Variants in CDH13 observed in about 807,000 individuals in gnomAD.
CDH13 encodes cadherin 13.
A neutral mutation model predicts 63.8 loss-of-function variants in CDH13; 24 were observed. The observed-to-expected ratio is 0.38, with a 90% CI of 0.27 to 0.53. The LOEUF (loss-of-function observed/expected upper bound fraction) is 0.53, where lower values mean the gene tolerates loss of function less well. Ranked by LOEUF, CDH13 falls within the 20% of genes least tolerant of loss-of-function variation. CDH13 has a pLI of 0.85. For synonymous variants in CDH13, 503 were observed against 355.3 expected, an observed-to-expected ratio of 1.42 and a Z score of -4.67; for missense variants, 1,049 against 903.1, an observed-to-expected ratio of 1.16 and a Z score of -2.07.
At chr16:83,580,583 C>G (rs1294388289) in intron 7 of CDH13, among the ~76,000 whole-genome samples, 2 of 151,558 alleles carry the variant, frequency 1.3e-5, no homozygotes, top group Non-Finnish European at 2.9e-5. Flanking sequence ...CAGCCTCAAA[C>G]TCCTGAGCTC....
chr16:82,685,696 G>T (rs2150967307), intron 1 of CDH13, among the ~76,000 whole-genome samples: 1 of 152,322 alleles, frequency 6.6e-6, no homozygotes, highest in South Asian at 2.1e-4. Context: ...GGGGCCAGCA[G>T]GTGTTCAACC....
chr16:83,006,916 G>GTTT (rs1304934076), intron 2 of CDH13, among the ~76,000 whole-genome samples: 13 of 120,262 alleles, frequency 1.1e-4, no homozygotes, highest in African/African-American at 2.7e-4. Context: ...TTGTTTGTTT[G>GTTT]TTTGTTTGTT....
intron 1 of CDH13, among the ~76,000 whole-genome samples, chr16:82,679,401 C>T (rs1472472034): frequency 6.6e-6 from 1 of 152,114 alleles, no homozygotes; most frequent in East Asian, 1.9e-4. Context: ...ATCTAGTTTA[C>T]CTATGGACTT....
intron 2 of CDH13, among the ~76,000 whole-genome samples, chr16:83,001,905 G>A: frequency 6.6e-6 from 1 of 152,180 alleles, no homozygotes; most frequent in African/African-American, 2.4e-5. Context: ...TCTCAGGAGA[G>A]CTGTACACCT....
intron 7 of CDH13, among the ~76,000 whole-genome samples, chr16:83,541,185 G>A (rs545986744): frequency 6.6e-6 from 1 of 152,208 alleles, no homozygotes; most frequent in Admixed American, 6.5e-5. Flanking sequence ...AAGAAATCTG[G>A]ATGCATCTAA....
intron 2 of CDH13, among the ~76,000 whole-genome samples, chr16:83,000,356 G>T (rs1912767531): frequency 7.3e-6 from 1 of 137,048 alleles, no homozygotes; most frequent in Non-Finnish European, 1.5e-5. Flanking sequence ...TCAAGCAATT[G>T]TCTTGCCTCA....
intron 6 of CDH13, among the ~76,000 whole-genome samples, chr16:83,450,682 A>G (rs1446213641): frequency 6.6e-6 from 1 of 152,176 alleles, no homozygotes; most frequent in Non-Finnish European, 1.5e-5. Context: ...CATCCTGGCT[A>G]ACATAGTGAA....
At chr16:83,438,497 C>T (rs891103411) in intron 6 of CDH13, among the ~76,000 whole-genome samples, 4 of 152,178 alleles carry the variant, frequency 2.6e-5, no homozygotes, top group African/African-American at 7.2e-5. Context: ...CATTCTAAGT[C>T]GAGGTATGTT....
intron 7 of CDH13, among the ~76,000 whole-genome samples, chr16:83,570,595 G>A (rs1904485397): frequency 6.6e-6 from 1 of 151,384 alleles, no homozygotes; most frequent in Admixed American, 6.6e-5. Flanking sequence ...TGCAATCACT[G>A]GAAAAGACGG....
chr16:83,269,186 T>C (rs1397309653), intron 5 of CDH13, among the ~76,000 whole-genome samples: 3 of 152,210 alleles, frequency 2.0e-5, no homozygotes, highest in African/African-American at 7.2e-5. Context: ...AATTCAAATG[T>C]TGTGTCATAA....
At chr16:83,256,129 G>C (rs1906230338) in intron 5 of CDH13, among the ~76,000 whole-genome samples, 1 of 152,162 alleles carries the variant, frequency 6.6e-6, no homozygotes, top group Non-Finnish European at 1.5e-5. Context: ...GACTTCCTGA[G>C]CTGAAGTGAG....
chr16:82,830,349 C>A (rs768509239), intron 1 of CDH13, among the ~76,000 whole-genome samples: 4 of 152,208 alleles, frequency 2.6e-5, no homozygotes, highest in African/African-American at 9.7e-5. Flanking sequence ...GGTGTTGACT[C>A]TTGAGTAGGG....
chr16:83,548,871 A>G (rs1348879058), intron 7 of CDH13, among the ~76,000 whole-genome samples: 1 of 152,170 alleles, frequency 6.6e-6, no homozygotes, highest in African/African-American at 2.4e-5. Flanking sequence ...TTTTCCTGCC[A>G]TCACTATTGC....
At chr16:83,447,781 T>A (rs1374905667) in intron 6 of CDH13, among the ~76,000 whole-genome samples, 2 of 149,770 alleles carry the variant, frequency 1.3e-5, no homozygotes, top group Non-Finnish European at 3.0e-5. Flanking sequence ...ATTTATTTTT[T>A]ATAATTTATA....
chr16:82,656,408 A>C (rs932303271), intron 1 of CDH13, among the ~76,000 whole-genome samples: 2 of 152,150 alleles, frequency 1.3e-5, no homozygotes, highest in Non-Finnish European at 1.5e-5. Flanking sequence ...TTAAAAAGCA[A>C]GTAAACCTTA....
At chr16:82,747,548 T>C (rs1204681560) in intron 1 of CDH13, among the ~76,000 whole-genome samples, 1 of 152,116 alleles carries the variant, frequency 6.6e-6, no homozygotes, top group Non-Finnish European at 1.5e-5. Context: ...TGCAAATTCT[T>C]GGGTCCTTCC....
At chr16:82,758,613 G>A (rs2151080086) in intron 1 of CDH13, among the ~76,000 whole-genome samples, 1 of 152,324 alleles carries the variant, frequency 6.6e-6, no homozygotes, top group African/African-American at 2.4e-5. Context: ...GCCTCTAGAG[G>A]AGAGGTCACG....
intron 7 of CDH13, among the ~76,000 whole-genome samples, chr16:83,572,565 C>G (rs1904740758): frequency 6.6e-6 from 1 of 152,162 alleles, no homozygotes; most frequent in Admixed American, 6.5e-5. Context: ...GTACTGAGCA[C>G]AGTGCCTGGC....
intron 13 of CDH13, among the ~76,000 whole-genome samples, chr16:83,783,853 A>T (rs1915698321): frequency 6.6e-6 from 1 of 152,226 alleles, no homozygotes. Context: ...TTGCAAGGTT[A>T]AAACAGATAT....
Sources: allele counts gnomAD v4.1 joint callset (sites outside exome capture counted in the v4.1 genomes callset), GRCh38; gene constraint gnomAD v4.1.1; transcripts MANE v1.5; gene names NCBI Gene and HGNC (gene_info 2026-07-23, HGNC 2026-07-21).